The following HTR4 variants were observed in gnomAD, a reference collection of about 807,000 sequenced individuals.
HTR4 encodes 5-hydroxytryptamine (serotonin) receptor 4, G protein-coupled.
HTR4 carries 16 observed loss-of-function variants against 36.8 expected under a neutral mutation model. That is an observed-to-expected ratio of 0.43 (90% confidence interval 0.29 to 0.66). The LOEUF (loss-of-function observed/expected upper bound fraction) is 0.66. Among genes scored for constraint, HTR4 ranks in the 30% least tolerant of loss-of-function variants. The pLI is 0.13. For synonymous variants in HTR4, 189 were observed against 185.1 expected (o/e 1.02, Z -0.17); for missense variants, 438 against 490.9 (o/e 0.89, Z 1.02).
At chr5:148,505,826 G>A (rs1757170820) in intron 6 of HTR4, among the ~76,000 whole-genome samples, 2 of 152,116 alleles carry the variant, frequency 1.3e-5, no homozygotes, top group Admixed American at 6.5e-5. Context: ...GGGATGTGAA[G>A]GACCTCTTCA....
chr5:148,568,363 A>G (rs913054727), intron 2 of HTR4, among the ~76,000 whole-genome samples: 2 of 152,170 alleles, frequency 1.3e-5, no homozygotes, highest in Non-Finnish European at 2.9e-5. Context: ...TTTTTAAAGT[A>G]TACATAGGGT....
downstream of HTR4, among the ~76,000 whole-genome samples, chr5:148,476,935 G>A: frequency 6.6e-6 from 1 of 152,152 alleles, no homozygotes; most frequent in East Asian, 1.9e-4. Flanking sequence ...AGGTGCCAGG[G>A]GAATCATGCC....
intron 1 of HTR4, among the ~76,000 whole-genome samples, chr5:148,640,353 G>A (rs561845928): frequency 1.3e-4 from 20 of 152,260 alleles, no homozygotes; most frequent in African/African-American, 3.9e-4. Context: ...AGGGCTGGTC[G>A]ATCAGAATAG....
intron 5 of HTR4, among the ~76,000 whole-genome samples, chr5:148,470,119 C>T (rs1340836785): frequency 2.0e-5 from 3 of 152,158 alleles, no homozygotes; most frequent in African/African-American, 7.2e-5. Flanking sequence ...GAGAAGGGCA[C>T]TGTCCTATTT....
chr5:148,535,226 T>G (rs1353484318), intron 4 of HTR4, among the ~76,000 whole-genome samples: 2 of 151,696 alleles, frequency 1.3e-5, no homozygotes, highest in African/African-American at 4.8e-5. Flanking sequence ...GAAAGGAGTC[T>G]ATTGACTGTA....
intron 3 of HTR4, among the ~76,000 whole-genome samples, chr5:148,549,451 C>A (rs917935060): frequency 6.6e-6 from 1 of 152,118 alleles, no homozygotes; most frequent in Admixed American, 6.5e-5. Flanking sequence ...CTTCGTTATA[C>A]CCTCTTATGG....
intron 4 of HTR4, among the ~76,000 whole-genome samples, chr5:148,530,596 C>T (rs1201117351): frequency 6.6e-6 from 1 of 152,232 alleles, no homozygotes. Context: ...CATGGAGAAC[C>T]TCTGCTAGAG....
Position 148,654,317 on chromosome 5 carries a change from A to G in HTR4, c.-303T>C, listed in dbSNP as rs758817083. On this transcript the variant is annotated 5_prime_UTR_variant, in exon 1 of 7. Transcript: ENST00000377888. ...TCGCCGCGCATCGTCCTTCTCCCCA[A>G]CCGAGCCGGACTCCACGGGCTCAAC... The G allele has an allele frequency of 1.2e-5, 12 of 984,146 alleles. No individual in the cohort carries two copies. Among genetic ancestry groups the G allele is most frequent in the East Asian group, 2.3e-4 (2 of 8,718 alleles). The allele number at this position is 984,146 out of a possible 1,614,324, so 61.0% of individuals were successfully genotyped here.
At chr5:148,625,878 T>G (rs1435014770) in intron 2 of HTR4, among the ~76,000 whole-genome samples, 1 of 151,586 alleles carries the variant, frequency 6.6e-6, no homozygotes, top group Non-Finnish European at 1.5e-5. Flanking sequence ...CGCGCCTGGC[T>G]GCAAAGCCTT....
chr5:148,615,151 A>C (rs1164813744), intron 2 of HTR4, among the ~76,000 whole-genome samples: 20 of 151,428 alleles, frequency 1.3e-4, no homozygotes, highest in African/African-American at 3.6e-4. Context: ...AACTAGAAAT[A>C]CCATTTGACC....
intron 2 of HTR4, among the ~76,000 whole-genome samples, chr5:148,606,397 G>GA (rs1280510865): frequency 2.0e-5 from 3 of 152,074 alleles, no homozygotes; most frequent in African/African-American, 7.2e-5. Flanking sequence ...TGAGAAATCT[G>GA]AATTTTCATG....
intron 2 of HTR4, among the ~76,000 whole-genome samples, chr5:148,564,182 A>T (rs17108421): frequency 0.32 from 48,330 of 152,012 alleles, 7,954 homozygotes; most frequent in African/African-American, 0.34. Context: ...TCCATAACCA[A>T]CACTAAATGA....
chr5:148,556,136 G>A, intron 2 of HTR4, among the ~76,000 whole-genome samples: 1 of 152,122 alleles, frequency 6.6e-6, no homozygotes, highest in East Asian at 1.9e-4. Context: ...TGATTCTCCT[G>A]CCTCAGCCTC....
chr5:148,461,269 T>A (rs1458683097), intron 5 of HTR4, among the ~76,000 whole-genome samples: 2 of 151,940 alleles, frequency 1.3e-5, no homozygotes. Flanking sequence ...TTAGCTTTTT[T>A]AAGAATCACT....
intron 6 of HTR4, among the ~76,000 whole-genome samples, chr5:148,500,957 T>C (rs1257263387): frequency 6.6e-6 from 1 of 152,164 alleles, no homozygotes; most frequent in Non-Finnish European, 1.5e-5. Context: ...ACATAAACAT[T>C]TTAAATGAGC....
downstream of HTR4, among the ~76,000 whole-genome samples, chr5:148,479,499 T>C (rs1755808200): frequency 6.6e-6 from 1 of 152,224 alleles, no homozygotes; most frequent in Admixed American, 6.5e-5. Context: ...TGCACTCATA[T>C]AAACATATGT....
chr5:148,555,765 G>C (rs1250070620), intron 2 of HTR4, among the ~76,000 whole-genome samples: 1 of 152,028 alleles, frequency 6.6e-6, no homozygotes, highest in Non-Finnish European at 1.5e-5. Context: ...CTTGTGGGCT[G>C]GTTTTGCCAT....
intron 2 of HTR4, among the ~76,000 whole-genome samples, chr5:148,571,738 C>T (rs1347248769): frequency 2.0e-5 from 3 of 151,998 alleles, no homozygotes; most frequent in Non-Finnish European, 2.9e-5. Flanking sequence ...TGGATGCATG[C>T]AGTTAAAGAA....
chr5:148,556,877 C>T (rs771978965), intron 2 of HTR4, among the ~76,000 whole-genome samples: 2 of 152,114 alleles, frequency 1.3e-5, no homozygotes, highest in African/African-American at 4.8e-5. Flanking sequence ...GGTTGGGAAA[C>T]ACTGGAGGTG....
Sources: gnomAD v4.1 joint callset for allele counts (sites outside exome capture counted in the v4.1 genomes callset) on GRCh38, gnomAD v4.1.1 for gene constraint, MANE v1.5 for transcripts, NCBI Gene and HGNC (gene_info 2026-07-23, HGNC 2026-07-21) for gene names.